The following AGO4 variants were observed in gnomAD, a reference collection of about 807,000 sequenced individuals.
The protein encoded by AGO4 is protein argonaute-4.
A neutral mutation model predicts 104.7 loss-of-function variants in AGO4; 33 were observed. The ratio of observed to expected loss-of-function variants is 0.32; its 90% CI spans 0.24 to 0.42. The LOEUF is 0.42. Among genes scored for constraint, AGO4 ranks in the 10% least tolerant of loss-of-function variants. The probability of loss-of-function intolerance (pLI) is 1.00; values close to 1 mark genes in which losing one functional copy is unlikely to be tolerated. For missense variants in AGO4, 711 were observed against 1,083.4 expected (o/e 0.66, Z 4.83); for synonymous variants, 331 against 364.7 (o/e 0.91, Z 1.05).
At chr1:35,838,685 G>A (rs1437232120) in intron 13 of AGO4, among the ~76,000 whole-genome samples, 1 of 152,126 alleles carries the variant, frequency 6.6e-6, no homozygotes, top group Non-Finnish European at 1.5e-5. Flanking sequence ...TGCTGGCTGG[G>A]CATTGGGAGA....
At chr1:35,836,273 A>G (rs1250328737) in intron 13 of AGO4, among the ~76,000 whole-genome samples, 1 of 152,216 alleles carries the variant, frequency 6.6e-6, no homozygotes, top group Non-Finnish European at 1.5e-5. Flanking sequence ...ATATAAATGG[A>G]ATCATGCAGG....
intron 13 of AGO4, 144 bp downstream of exon 13, chr1:35,836,137 A>G: frequency 2.2e-6 from 2 of 913,886 alleles, no homozygotes; most frequent in Non-Finnish European, 3.2e-6. Flanking sequence ...CCAGATAAAG[A>G]TATAGAACAT....
At position 35,841,500 on chromosome 1, in the gene AGO4, T is replaced by G. The variant is rs1399387257; in HGVS notation, c.2040+20T>G. 6.2e-7 allele frequency: 1 copy of G among 1,609,866 alleles called. No individual in the cohort carries two copies. The highest frequency in any genetic ancestry group is 8.5e-7 in the Non-Finnish European group (1 of 1,176,700). ...AAACAGGTACTCTCATTATCCCTGT[T>G]GCCCTTCGGGGCCCCTAGGAGTCTG... On this transcript the variant is annotated intron_variant, in intron 14 of 17. Transcript: ENST00000373210. This position sits in a 1 kb window ranked among gnomAD's most constrained non-coding sequence, Gnocchi z 4.7.
intron 7 of AGO4, among the ~76,000 whole-genome samples, chr1:35,829,941 C>G (rs1644137718): frequency 6.6e-6 from 1 of 150,770 alleles, no homozygotes; most frequent in Admixed American, 6.6e-5. Flanking sequence ...AAGAGGATTC[C>G]TTGAGCCCAG....
chr1:35,817,784 G>A (rs142739932), intron 2 of AGO4, among the ~76,000 whole-genome samples: 1,707 of 152,200 alleles, frequency 0.011, 10 homozygotes, highest in Middle Eastern at 0.02. Context: ...TCTCATTATG[G>A]ATCAAAATTT....
intron 2 of AGO4, among the ~76,000 whole-genome samples, chr1:35,818,646 A>AAGG (rs1557552117): frequency 1.5e-5 from 1 of 65,636 alleles, no homozygotes; most frequent in East Asian, 3.6e-4. Flanking sequence ...AGAAAGAAAG[A>AAGG]AAGAAAGAAA....
In AGO4 at chr1:35,832,418, C is replaced by G; in HGVS notation, c.1246-19C>G. ...TTTGTTTCTTCTTCTTCTTCTTCTT[C>G]TTTTTTTTTTTTTCAAAGAATAAAA... On this transcript the variant is annotated intron_variant, in intron 10 of 17. Transcript: ENST00000373210. 1 of 1,152,194 alleles carries G rather than the reference C, an allele frequency of 8.7e-7. No individual in the cohort carries two copies. 71.4% of individuals were successfully genotyped at this position (1,152,194 alleles called of 1,614,324 possible).
chr1:35,831,693 A>G, intron 8 of AGO4, 119 bp downstream of exon 8: 1 of 1,540,484 alleles, frequency 6.5e-7, no homozygotes, highest in South Asian at 1.3e-5. Context: ...TTGGCAGATG[A>G]TTTCACTATA....
At position 35,826,748 on chromosome 1, in the gene AGO4, G is replaced by T; in HGVS notation, c.761G>T (p.Gly254Val). 6.2e-7 allele frequency: 1 copy of T among 1,613,736 alleles called. No individual in the cohort carries two copies. The stretch of plus-strand genomic sequence containing the variant: ...TTTTGCCTTTTAAAAAAAATTTCAG[G>T]TCTCAAAGTTGAGGTGACCCACTGT... ...QRVKFTKEIR[G>V]LKVEVTHCGQ... Residue 254 changes from glycine (G) to valine (V), a missense_variant and splice_region_variant, in exon 7 of 18, where the codon GGT becomes GTT. Gly to Val is a moderately radical substitution (Grantham distance 109). This residue lies in a region of AGO4 where 308 missense variants were observed against 397.8 expected (regional missense o/e 0.77). Coordinates refer to ENST00000373210, the MANE Select transcript of AGO4 (RefSeq NM_017629.4).
chr1:35,834,895 C>T (rs550378165), intron 12 of AGO4, among the ~76,000 whole-genome samples: 7 of 152,014 alleles, frequency 4.6e-5, no homozygotes, highest in African/African-American at 1.2e-4. Context: ...AGGGTTTTGC[C>T]GTGTTGCCCA....
chr1:35,823,579 C>T (rs1051068407), intron 3 of AGO4, among the ~76,000 whole-genome samples: 12 of 152,272 alleles, frequency 7.9e-5, no homozygotes, highest in African/African-American at 2.4e-4. Context: ...GCGTGTGCCA[C>T]CACGCCCAGA....
At chr1:35,833,934 T>C in intron 11 of AGO4, 56 bp from the exon 12 acceptor site, 2 of 1,297,988 alleles carry the variant, frequency 1.5e-6, no homozygotes. Context: ...GGAAAATGAA[T>C]GCTAGAAATG....
intron 3 of AGO4, 52 bp from the exon 4 acceptor site, chr1:35,825,261 C>A: frequency 6.3e-7 from 1 of 1,575,750 alleles, no homozygotes; most frequent in Non-Finnish European, 8.7e-7. Context: ...TGGGATCTTT[C>A]CCACAGCCAT....
At chr1:35,811,474 A>C (rs1487931653) in intron 1 of AGO4, among the ~76,000 whole-genome samples, 2 of 151,374 alleles carry the variant, frequency 1.3e-5, no homozygotes, top group Non-Finnish European at 1.5e-5. Context: ...AAAAAACAAA[A>C]AAAAAAACAA....
At chr1:35,832,348 T>G in intron 10 of AGO4, 89 bp from the exon 11 acceptor site, 13 of 1,495,426 alleles carry the variant, frequency 8.7e-6, no homozygotes, top group Non-Finnish European at 1.2e-5. Context: ...TATTCACTAG[T>G]CAATAGTAAA....
chr1:35,834,308 T>C, intron 12 of AGO4, 134 bp downstream of exon 12: 1 of 768,192 alleles, frequency 1.3e-6, no homozygotes, highest in Non-Finnish European at 1.8e-6. Context: ...TGTTTCTTGC[T>C]CCTGTTATGC....
In AGO4 at chr1:35,856,757, A is replaced by T. The variant is rs1644824591; in HGVS notation, c.*3152A>T. 7.1e-6 allele frequency: 1 copy of T among 141,206 alleles called. No individual in the cohort carries two copies. The highest frequency in any genetic ancestry group is 2.5e-4 in the South Asian group (1 of 4,002). 8.7% of individuals were successfully genotyped at this position (141,206 alleles called of 1,614,324 possible). ...TGAGGCAGGAGAATTGCTTGAACCC[A>T]GGAGGTGGACGGTGCAGTGAGCTAT... On this transcript the variant is annotated 3_prime_UTR_variant, in exon 18 of 18. Coordinates refer to ENST00000373210, the MANE Select transcript of AGO4 (RefSeq NM_017629.4).
intron 13 of AGO4, among the ~76,000 whole-genome samples, chr1:35,839,318 A>G (rs1048442586): frequency 6.6e-6 from 1 of 152,154 alleles, no homozygotes. Flanking sequence ...GATGAGATAT[A>G]TGGGCCATAG....
chr1:35,833,555 A>G (rs910174545), intron 11 of AGO4, among the ~76,000 whole-genome samples: 5 of 152,190 alleles, frequency 3.3e-5, no homozygotes, highest in African/African-American at 4.8e-5. Flanking sequence ...ATTTTGTAAC[A>G]GCATGTCTCT....
Sources: allele counts gnomAD v4.1 joint callset (sites outside exome capture counted in the v4.1 genomes callset), GRCh38; gene constraint gnomAD v4.1.1; regional missense constraint gnomAD v4.1.1; non-coding constraint Gnocchi (gnomAD v3.1); transcripts MANE v1.5; gene names NCBI Gene and HGNC (gene_info 2026-07-23, HGNC 2026-07-21).